The following AGBL1 variants were observed in gnomAD, a reference collection of about 807,000 sequenced individuals.
AGBL1 encodes the protein AGBL carboxypeptidase 1, also known as cytosolic carboxypeptidase 4.
A neutral mutation model predicts 118.9 loss-of-function variants in AGBL1; 130 were observed. The ratio of observed to expected loss-of-function variants is 1.09; its 90% CI spans 0.95 to 1.26. The LOEUF is 1.26. Among genes scored for constraint, AGBL1 ranks in the 50% most tolerant of loss-of-function variants. AGBL1 has a pLI of 0.00. For synonymous variants in AGBL1, 555 were observed against 478.9 expected (o/e 1.16, Z -2.08); for missense variants, 1,584 against 1,298.1 (o/e 1.22, Z -3.38).
chr15:86,468,771 A>G (rs911936522), intron 18 of AGBL1, among the ~76,000 whole-genome samples: 7 of 152,190 alleles, frequency 4.6e-5, no homozygotes, highest in African/African-American at 2.4e-5. Flanking sequence ...CAATTATGGT[A>G]TTAAAAGAGT....
chr15:86,201,635 C>G (rs1435272369), intron 5 of AGBL1, among the ~76,000 whole-genome samples: 1 of 152,192 alleles, frequency 6.6e-6, no homozygotes, highest in African/African-American at 2.4e-5. Context: ...GCATTTACCT[C>G]TACCTCACCA....
At chr15:86,752,327 C>T (rs1260658343) in intron 22 of AGBL1, among the ~76,000 whole-genome samples, 2 of 152,082 alleles carry the variant, frequency 1.3e-5, no homozygotes, top group Non-Finnish European at 2.9e-5. Flanking sequence ...GCATTTGTAG[C>T]CTGTGGGTTT....
chr15:86,161,838 A>G (rs945689099), intron 5 of AGBL1, among the ~76,000 whole-genome samples: 1 of 152,180 alleles, frequency 6.6e-6, no homozygotes, highest in Non-Finnish European at 1.5e-5. Context: ...CTTCTACCAG[A>G]TTCCTTGGCG....
intron 23 of AGBL1, among the ~76,000 whole-genome samples, chr15:86,950,747 T>G (rs2080872087): frequency 6.6e-6 from 1 of 151,862 alleles, no homozygotes; most frequent in Non-Finnish European, 1.5e-5. Flanking sequence ...CTAATCCAAT[T>G]AAAATTGGAC....
At chr15:86,636,902 A>T (rs1242180814) in intron 21 of AGBL1, among the ~76,000 whole-genome samples, 1 of 151,308 alleles carries the variant, frequency 6.6e-6, no homozygotes, top group Admixed American at 6.6e-5. Flanking sequence ...AATTATATAT[A>T]GGGCTCTTGC....
At chr15:86,608,617 T>C (rs965071752) in intron 21 of AGBL1, among the ~76,000 whole-genome samples, 1 of 152,090 alleles carries the variant, frequency 6.6e-6, no homozygotes, top group African/African-American at 2.4e-5. Flanking sequence ...GACATGATGC[T>C]GAGCTGCAGG....
chr15:86,315,406 G>A (rs2079986855), intron 17 of AGBL1, among the ~76,000 whole-genome samples: 1 of 152,060 alleles, frequency 6.6e-6, no homozygotes, highest in Admixed American at 6.6e-5. Flanking sequence ...TTTCACATAT[G>A]ACTATGGTAA....
At chr15:86,705,112 G>A (rs1259943008) in intron 22 of AGBL1, among the ~76,000 whole-genome samples, 3 of 152,026 alleles carry the variant, frequency 2.0e-5, no homozygotes, top group South Asian at 4.2e-4. Flanking sequence ...GGAGGGAAAC[G>A]TCACACACTG....
At chr15:86,171,083 C>A (rs1444390507) in intron 5 of AGBL1, among the ~76,000 whole-genome samples, 1 of 151,988 alleles carries the variant, frequency 6.6e-6, no homozygotes, top group Non-Finnish European at 1.5e-5. Context: ...AAAGACTTTT[C>A]GGACATACAA....
At chr15:86,369,214 A>C (rs1329154216) in intron 17 of AGBL1, among the ~76,000 whole-genome samples, 2 of 152,186 alleles carry the variant, frequency 1.3e-5, no homozygotes, top group Non-Finnish European at 1.5e-5. Context: ...AAATTACAGA[A>C]AGGACTGGCT....
chr15:86,225,170 A>G (rs1242659488), intron 6 of AGBL1, among the ~76,000 whole-genome samples: 2 of 151,980 alleles, frequency 1.3e-5, no homozygotes, highest in Non-Finnish European at 2.9e-5. Context: ...ACATGACCAC[A>G]AAGAGAAAAT....
intron 1 of AGBL1, chr15:86,083,510 A>G (rs1282897156): frequency 6.6e-6 from 1 of 152,150 alleles, no homozygotes. Context: ...CTTTGCCAAA[A>G]TGTGCATAGT....
At chr15:86,880,730 T>TG (rs1184123261) in intron 22 of AGBL1, among the ~76,000 whole-genome samples, 10 of 152,218 alleles carry the variant, frequency 6.6e-5, no homozygotes, top group South Asian at 4.2e-4. Context: ...TTGCTGGGTA[T>TG]GGGTGTGTGT....
At chr15:86,135,177 G>C (rs1036444478) in intron 1 of AGBL1, among the ~76,000 whole-genome samples, 1 of 152,154 alleles carries the variant, frequency 6.6e-6, no homozygotes, top group Non-Finnish European at 1.5e-5. Context: ...ACGTGAGCTT[G>C]TTGTTGAAAA....
chr15:86,597,947 G>T (rs1260291533), intron 21 of AGBL1, among the ~76,000 whole-genome samples: 2 of 152,124 alleles, frequency 1.3e-5, no homozygotes, highest in African/African-American at 4.8e-5. Context: ...GTTTGCCATT[G>T]TTGATAGTCC....
chr15:86,264,358 A>G lies in AGBL1; in HGVS notation c.1187A>G (p.Tyr396Cys), dbSNP rs778407979. Reference sequence around the variant, plus strand: ...GCTGCCTCCTCAAAACAGCATTGCTACAGCAAGGACCAAAGCTCCTGTGGG... The same window carrying G: ...GCTGCCTCCTCAAAACAGCATTGCTGCAGCAAGGACCAAAGCTCCTGTGGG... ...PAAASSKQHC[Y>C]SKDQSSCGQE... Residue 396 changes from tyrosine (Y) to cysteine (C), a missense_variant, in exon 11 of 23, where the codon TAC (tyrosine) becomes TGC (cysteine). Coordinates refer to ENST00000614907, the MANE Select transcript of AGBL1 (RefSeq NM_001386094.1). 1 of 1,613,566 alleles carries G rather than the reference A, an allele frequency of 6.2e-7. No individual in the cohort carries two copies. Among genetic ancestry groups the G allele is most frequent in the Non-Finnish European group, 8.5e-7 (1 of 1,179,672 alleles).
intron 22 of AGBL1, among the ~76,000 whole-genome samples, chr15:86,766,994 G>C (rs2078105626): frequency 6.6e-6 from 1 of 151,804 alleles, no homozygotes; most frequent in Admixed American, 6.6e-5. Flanking sequence ...TAAAATATTA[G>C]ATTAAAATTT....
chr15:86,580,564 T>A (rs1245949124), intron 21 of AGBL1, among the ~76,000 whole-genome samples: 3 of 152,148 alleles, frequency 2.0e-5, no homozygotes, highest in Admixed American at 1.3e-4. Context: ...TTAATTTTTT[T>A]CCTTTTGTTT....
intron 17 of AGBL1, among the ~76,000 whole-genome samples, chr15:86,387,976 T>C (rs74027536): frequency 0.11 from 16,191 of 152,244 alleles, 1,024 homozygotes; most frequent in African/African-American, 0.18. Flanking sequence ...GGTCTGGGGC[T>C]ACTTCCTGTC....
Sources: gnomAD v4.1 joint callset for allele counts (sites outside exome capture counted in the v4.1 genomes callset) on GRCh38, gnomAD v4.1.1 for gene constraint, MANE v1.5 for transcripts, NCBI Gene and HGNC (gene_info 2026-07-23, HGNC 2026-07-21) for gene names.